The following TMC4 variants were observed in gnomAD, a reference collection of about 807,000 sequenced individuals.
TMC4 encodes the protein transmembrane channel like 4.
TMC4 carries 70 observed loss-of-function variants against 82.0 expected under a neutral mutation model. That is an observed-to-expected ratio of 0.85 (90% CI 0.70 to 1.04). TMC4 has a LOEUF of 1.04. TMC4 is among the 50% of genes least tolerant of loss of function. The pLI is 0.00. For missense variants in TMC4, 879 were observed against 899.0 expected (o/e 0.98, Z 0.28); for synonymous variants, 446 against 406.0 (o/e 1.10, Z -1.18).
At position 54,163,149 on chromosome 19, in the gene TMC4, G is replaced by T. The variant is rs1190320852; in HGVS notation, c.1288C>A (p.Leu430Ile). The change falls in exon 9 of 15, where the codon CTT becomes ATT. Residue 430 changes from leucine to isoleucine, a missense_variant. By Grantham distance (5) the Leu-to-Ile change is conservative (BLOSUM62 2). Transcript: ENST00000619895. ...AGGACCACCAGGGAGGCGAGGCGAAGAAACACGGTCCTGAAGGGGGGAAGG... is the reference window on the plus strand; with the variant it reads ...AGGACCACCAGGGAGGCGAGGCGAATAAACACGGTCCTGAAGGGGGGAAGG... ...IVFILLRTVF[L>I]RLASLVVLLF... 4 of 1,613,808 alleles carry T rather than the reference G, an allele frequency of 2.5e-6. No homozygotes were observed. The African/African-American group carries it at 4.0e-5, about 16-fold the overall frequency.
intron 5 of TMC4, among the ~76,000 whole-genome samples, chr19:54,167,084 C>T (rs895723058): frequency 6.6e-6 from 1 of 152,070 alleles, no homozygotes; most frequent in Non-Finnish European, 1.5e-5. Context: ...CATAGCAAGA[C>T]CCTGTCTCTA....
chr19:54,161,792 T>G (rs1044238021), intron 11 of TMC4, among the ~76,000 whole-genome samples: 2 of 152,196 alleles, frequency 1.3e-5, no homozygotes, highest in African/African-American at 4.8e-5. Flanking sequence ...TCCACCCGCC[T>G]TAGTCTCCCG....
chr19:54,161,265 TG>T lies in TMC4; in HGVS notation c.1687-6del, dbSNP rs752993708. 2 of 1,501,558 alleles carry T rather than the reference TG, an allele frequency of 1.3e-6. No individual in the cohort carries two copies. Among genetic ancestry groups the T allele is most frequent in the Admixed American group, 2.3e-5 (1 of 43,444 alleles). 93.0% of individuals were successfully genotyped at this position (1,501,558 alleles called of 1,614,324 possible). A position where few individuals can be genotyped will look rare whatever the true frequency, so the allele number is the denominator to read the frequency against. ...GCAGGTGGAGAAGAGGGTAAGCTGGTGGGGGAAGGCACGGAGAAAAGGGCTC... is the reference window on the plus strand; with the variant it reads ...GCAGGTGGAGAAGAGGGTAAGCTGGTGGGGAAGGCACGGAGAAAAGGGCTC... On this transcript the variant is annotated splice_polypyrimidine_tract_variant and splice_region_variant and intron_variant, in intron 11 of 14. Coordinates refer to ENST00000619895, the MANE Select transcript of TMC4 (RefSeq NM_144686.4).
chr19:54,161,388 T>G, intron 11 of TMC4, 128 bp from the exon 12 acceptor site: 1 of 1,103,848 alleles, frequency 9.1e-7, no homozygotes, highest in Non-Finnish European at 1.2e-6. Flanking sequence ...AGACAGAGTC[T>G]CGCTCTGTCG....
chr19:54,168,307 C>T lies in TMC4; in HGVS notation c.676-15G>A, dbSNP rs1378450410. On this transcript the variant is annotated splice_polypyrimidine_tract_variant and intron_variant, in intron 4 of 14. Transcript: ENST00000619895. ...TCCAGGTAACCCTGTGGGGGGAAGG[C>T]GGCGCAGGGGCCACTGTGGGAGGAG... 6 of 1,548,872 alleles carry T rather than the reference C, an allele frequency of 3.9e-6. No individual in the cohort carries two copies. The highest frequency in any genetic ancestry group is 2.4e-5 in the East Asian group (1 of 40,886).
intron 10 of TMC4, 148 bp from the exon 11 acceptor site, chr19:54,162,433 G>T: frequency 1.4e-6 from 1 of 711,964 alleles, no homozygotes; most frequent in Non-Finnish European, 2.3e-6. Context: ...CGTGGAGGGG[G>T]TGTGTCCAGA....
At chr19:54,165,336 T>C (rs1568732930) in intron 6 of TMC4, 83 bp downstream of exon 6, 1 of 1,404,916 alleles carries the variant, frequency 7.1e-7, no homozygotes, top group East Asian at 2.4e-5. Flanking sequence ...GGAGGCCCCA[T>C]CACCGAGTTA....
At position 54,168,089 on chromosome 19, in the gene TMC4, G is replaced by A. The variant is rs2075747972; in HGVS notation, c.797+82C>T. 29 of 1,442,840 alleles carry A rather than the reference G, an allele frequency of 2.0e-5. No individual in the cohort carries two copies. The South Asian group carries it at 3.8e-4, about 19-fold the overall frequency. 89.4% of individuals were successfully genotyped at this position (1,442,840 alleles called of 1,614,324 possible). A position where few individuals can be genotyped will look rare whatever the true frequency, so the allele number is the denominator to read the frequency against. On this transcript the variant is annotated intron_variant, in intron 5 of 14. Transcript: ENST00000619895. ...AAAAAAAAAAAGACTGAGGATTCTT[G>A]GGGAGGGGGTTTCTGCCACCACCAC... is the stretch of plus-strand genomic sequence containing the variant.
rs112861106 is a variant in TMC4, at chr19:54,169,675, G to C, written c.294-15C>G. The C allele has an allele frequency of 6.2e-7, 1 of 1,612,356 alleles. No homozygotes were observed. Among genetic ancestry groups the C allele is most frequent in the African/African-American group, 1.3e-5 (1 of 74,952 alleles). On this transcript the variant is annotated splice_polypyrimidine_tract_variant and intron_variant, in intron 2 of 14. Coordinates refer to ENST00000619895, the MANE Select transcript of TMC4 (RefSeq NM_144686.4). ...CATTTCTTTGCCTGGGAGGGAAACA[G>C]GCAGAAAATGAGGGGTTTCGCAGCC...
At chr19:54,166,772 G>A (rs900568730) in intron 5 of TMC4, among the ~76,000 whole-genome samples, 2 of 151,942 alleles carry the variant, frequency 1.3e-5, no homozygotes, top group African/African-American at 4.8e-5. Context: ...TGACAAACAT[G>A]GTGAAACCCC....
intron 7 of TMC4, 63 bp from the exon 8 acceptor site, chr19:54,163,950 TC>T (rs2075634632): frequency 2.0e-6 from 3 of 1,499,160 alleles, no homozygotes; most frequent in African/African-American, 2.9e-5. Context: ...CTTAAGGTCC[TC>T]CCCCCGGCCT....
At chr19:54,167,101 T>TA (rs1215367728) in intron 5 of TMC4, among the ~76,000 whole-genome samples, 3 of 151,150 alleles carry the variant, frequency 2.0e-5, no homozygotes, top group African/African-American at 4.9e-5. Flanking sequence ...TCTATAACAT[T>TA]AAAAAAAAAT....
intron 11 of TMC4, 110 bp downstream of exon 11, chr19:54,161,990 CCT>C (rs2075566326): frequency 4.3e-6 from 4 of 930,806 alleles, no homozygotes; most frequent in Admixed American, 3.0e-5. Context: ...CCAACCCCCT[CCT>C]CTCTCAGGAC....
In TMC4 at chr19:54,165,473, G is replaced by A. The variant is rs952925728; in HGVS notation, c.891C>T (p.Leu297=). Residue 297 remains leucine (L), a synonymous_variant, in exon 6 of 15, where the codon CTC becomes CTT. Coordinates refer to ENST00000619895, the MANE Select transcript of TMC4 (RefSeq NM_144686.4). ...HRVFSAWDFG[L]CGDVHVRLRQ... is the part of the protein sequence containing the mutation. ...GCAGCCGCACGTGGACGTCCCCGCA[G>A]AGACCGAAGTCCCAGGCCGAGAACA... 1 of 1,613,010 alleles carries A rather than the reference G, an allele frequency of 6.2e-7. No homozygotes were observed. Among genetic ancestry groups the A allele is most frequent in the African/African-American group, 1.3e-5 (1 of 74,944 alleles).
In TMC4 at chr19:54,163,015, C is replaced by T; in HGVS notation, c.1404+18G>A. ...TTCAGGGACCCAAGAGTCCCACGCA[C>T]ACCCATGCCGTTCTCACCGGAAGTT... On this transcript the variant is annotated intron_variant, in intron 9 of 14. Coordinates refer to ENST00000619895, the MANE Select transcript of TMC4 (RefSeq NM_144686.4). 1 of 1,614,168 alleles carries T rather than the reference C, an allele frequency of 6.2e-7. No homozygotes were observed. The highest frequency in any genetic ancestry group is 8.5e-7 in the Non-Finnish European group (1 of 1,180,038).
At chr19:54,168,822 CTTTTCTTTTCTTTTCT>C in intron 3 of TMC4, 142 bp from the exon 4 acceptor site, 1 of 118,086 alleles carries the variant, frequency 8.5e-6, no homozygotes, top group South Asian at 4.2e-4. Flanking sequence ...CTTTTCTTTT[CTTTTCTTTTCTTTTCT>C]TTTCTTTTCT....
chr19:54,167,454 G>A (rs2075731578), intron 5 of TMC4, among the ~76,000 whole-genome samples: 2 of 151,862 alleles, frequency 1.3e-5, no homozygotes, highest in Admixed American at 6.6e-5. Context: ...AGCTACTTGG[G>A]AGGGTGAGGC....
intron 6 of TMC4, among the ~76,000 whole-genome samples, chr19:54,165,212 C>T (rs1261334300): frequency 5.3e-5 from 8 of 151,974 alleles, no homozygotes; most frequent in Non-Finnish European, 1.0e-4. Context: ...CCAGCCCTGG[C>T]GCATCCTTTT....
At position 54,168,195 on chromosome 19, in the gene TMC4, A is replaced by C; in HGVS notation, c.773T>G (p.Ile258Ser). ...YLCWAFAVGL[I>S]CLLLILHRSV... is the part of the protein sequence containing the mutation. ...CCGATGCAGGATGAGCAGGAGGCAG[A>C]TGAGGCCAACGGCAAAGGCCCAGCA... The change falls in exon 5 of 15, where the codon ATC (isoleucine) becomes AGC (serine). Residue 258 changes from isoleucine to serine, a missense_variant. By Grantham distance (142) the Ile-to-Ser change is moderately radical (BLOSUM62 -2). Coordinates refer to ENST00000619895, the MANE Select transcript of TMC4 (RefSeq NM_144686.4). The C allele has an allele frequency of 6.2e-7, 1 of 1,603,682 alleles. No individual in the cohort carries two copies. The highest frequency in any genetic ancestry group is 8.5e-7 in the Non-Finnish European group (1 of 1,175,058).
Sources: allele counts gnomAD v4.1 joint callset (sites outside exome capture counted in the v4.1 genomes callset), GRCh38; gene constraint gnomAD v4.1.1; transcripts MANE v1.5; gene names NCBI Gene and HGNC (gene_info 2026-07-23, HGNC 2026-07-21).